The following AUTS2 variants were observed in gnomAD, a reference collection of about 807,000 sequenced individuals.
AUTS2 encodes activator of transcription and developmental regulator AUTS2.
In AUTS2, 17 loss-of-function variants were observed where a neutral mutation model predicts 112.4. The ratio of observed to expected loss-of-function variants is 0.15; its 90% CI spans 0.10 to 0.23. The LOEUF (loss-of-function observed/expected upper bound fraction) is 0.23. Among genes scored for constraint, AUTS2 ranks in the 10% least tolerant of loss-of-function variants. The probability of loss-of-function intolerance (pLI) is 1.00; values close to 1 mark genes in which losing one functional copy is unlikely to be tolerated. For synonymous variants in AUTS2, 751 were observed against 702.7 expected, an observed-to-expected ratio of 1.07 and a Z score of -1.09; for missense variants, 1,510 against 1,701.6, an observed-to-expected ratio of 0.89 and a Z score of 1.98.
intron 4 of AUTS2, among the ~76,000 whole-genome samples, chr7:70,284,156 T>C (rs1292962668): frequency 1.3e-5 from 2 of 152,182 alleles, no homozygotes; most frequent in Non-Finnish European, 2.9e-5. Context: ...TCACAATAAA[T>C]TATGGCGATT....
chr7:70,541,255 G>C (rs1800541262), intron 5 of AUTS2, among the ~76,000 whole-genome samples: 1 of 152,090 alleles, frequency 6.6e-6, no homozygotes, highest in South Asian at 2.1e-4. Context: ...TGTTCTGTTT[G>C]TTCTGAGCTC....
intron 2 of AUTS2, among the ~76,000 whole-genome samples, chr7:69,906,049 A>C (rs1215028544): frequency 6.6e-6 from 1 of 152,214 alleles, no homozygotes; most frequent in Admixed American, 6.5e-5. Context: ...AAGAAAGATA[A>C]AGTGACAGGA....
At chr7:70,122,146 G>A (rs983535299) in intron 3 of AUTS2, among the ~76,000 whole-genome samples, 2 of 152,156 alleles carry the variant, frequency 1.3e-5, no homozygotes, top group Admixed American at 6.5e-5. Flanking sequence ...AATTCATAGA[G>A]ACATAAAGTA....
intron 1 of AUTS2, among the ~76,000 whole-genome samples, chr7:69,848,119 C>T (rs910921265): frequency 6.6e-6 from 1 of 152,180 alleles, no homozygotes; most frequent in Non-Finnish European, 1.5e-5. Flanking sequence ...TGCTGTAAGC[C>T]ACAGGTGGCC....
intron 4 of AUTS2, among the ~76,000 whole-genome samples, chr7:70,227,450 C>A (rs1438385149): frequency 6.6e-6 from 1 of 151,988 alleles, no homozygotes; most frequent in African/African-American, 2.4e-5. Flanking sequence ...AGATTTGTAA[C>A]CATCACCACA....
chr7:70,502,927 G>A (rs1798822869), intron 5 of AUTS2, among the ~76,000 whole-genome samples: 1 of 150,930 alleles, frequency 6.6e-6, no homozygotes, highest in Non-Finnish European at 1.5e-5. Flanking sequence ...GGGCATTTAG[G>A]GTAGACTCCT....
At chr7:70,647,109 G>A (rs1393922870) in intron 5 of AUTS2, among the ~76,000 whole-genome samples, 1 of 152,186 alleles carries the variant, frequency 6.6e-6, no homozygotes. Flanking sequence ...CAGCTGATTG[G>A]ATCCGCTCAC....
intron 5 of AUTS2, among the ~76,000 whole-genome samples, chr7:70,469,393 A>G (rs1797291040): frequency 6.6e-6 from 1 of 152,156 alleles, no homozygotes; most frequent in African/African-American, 2.4e-5. Flanking sequence ...GATACCCACA[A>G]ATCTGGGGGA....
intron 5 of AUTS2, among the ~76,000 whole-genome samples, chr7:70,479,012 A>G (rs1797688681): frequency 2.0e-5 from 3 of 152,012 alleles, no homozygotes; most frequent in Non-Finnish European, 2.9e-5. Context: ...AAATGAAGAG[A>G]AAATTTAATT....
intron 4 of AUTS2, among the ~76,000 whole-genome samples, chr7:70,348,694 C>A (rs1791612780): frequency 6.6e-6 from 1 of 152,178 alleles, no homozygotes; most frequent in Admixed American, 6.5e-5. Flanking sequence ...CCTGTAGTCC[C>A]AGCTGCTAGG....
At chr7:70,440,650 C>T (rs1008026546) in intron 5 of AUTS2, among the ~76,000 whole-genome samples, 4 of 152,178 alleles carry the variant, frequency 2.6e-5, no homozygotes, top group African/African-American at 9.7e-5. Context: ...TGGACACAGG[C>T]TGAATGGAAG....
At chr7:70,322,942 C>G (rs954594144) in intron 4 of AUTS2, among the ~76,000 whole-genome samples, 1 of 152,210 alleles carries the variant, frequency 6.6e-6, no homozygotes, top group African/African-American at 2.4e-5. Context: ...ACATGTGTTG[C>G]CTTCCTCTGA....
intron 5 of AUTS2, among the ~76,000 whole-genome samples, chr7:70,578,909 T>A (rs554001156): frequency 7.0e-6 from 1 of 143,414 alleles, no homozygotes; most frequent in African/African-American, 2.7e-5. Context: ...CTTTCCTTTC[T>A]TTCTTTTTTT....
chr7:70,314,590 G>C (rs993732033), intron 4 of AUTS2, among the ~76,000 whole-genome samples: 6 of 152,120 alleles, frequency 3.9e-5, no homozygotes, highest in African/African-American at 1.4e-4. Flanking sequence ...CCTCAAATTT[G>C]TTGCTTTAGA....
At position 70,789,936 on chromosome 7, in the gene AUTS2, A is replaced by C. The variant is rs936382256; in HGVS notation, c.2720A>C (p.Asp907Ala). Residue 907 changes from aspartate (D) to alanine (A), a missense_variant, in exon 19 of 19, where the codon GAC becomes GCC. Asp to Ala is a moderately radical substitution (Grantham distance 126). Transcript: ENST00000342771. ...HSESRKDLAADEHKAKEGHLP... is the reference protein window; with the variant it reads ...HSESRKDLAAAEHKAKEGHLP... ...GAATCCCGCAAGGACCTGGCCGCCG[A>C]CGAGCACAAGGCGAAAGAGGGCCAC... The C allele has an allele frequency of 6.2e-7, 1 of 1,613,970 alleles. No homozygotes were observed. Among genetic ancestry groups the C allele is most frequent in the Admixed American group, 1.7e-5 (1 of 60,022 alleles).
In AUTS2 at chr7:69,969,612, A is replaced by G. The variant is rs142541728; in HGVS notation, c.522+70114A>G. 9.8e-3 allele frequency among the ~76,000 whole-genome samples: 1,498 copies of G among 152,290 alleles called. 13 individuals carry two copies. The highest frequency in any genetic ancestry group is 0.027 in the Middle Eastern group (8 of 294). ...CAAGATGGATTGAGTTTTAACCTAG[A>G]GAGATAATAAGTCTTAGTGTAAACA... On this transcript the variant is annotated intron_variant, in intron 2 of 18. Coordinates refer to ENST00000342771, the MANE Select transcript of AUTS2 (RefSeq NM_015570.4).
chr7:69,916,898 A>G (rs1562967133), intron 2 of AUTS2, among the ~76,000 whole-genome samples: 1 of 152,124 alleles, frequency 6.6e-6, no homozygotes, highest in African/African-American at 2.4e-5. Context: ...TTCCTCCATT[A>G]TTGTGTTCTT....
rs189431748 is a variant in AUTS2 at position 70,166,509 on chromosome 7, T to A, written c.660+31938T>A. On this transcript the variant is annotated intron_variant, in intron 4 of 18. Coordinates refer to ENST00000342771, the MANE Select transcript of AUTS2 (RefSeq NM_015570.4). The stretch of plus-strand genomic sequence containing the variant: ...AGGTTTAAATGGAAATATACTGTTG[T>A]AAGGTTTCTGTACAATACATGAAAT... 9.5e-4 allele frequency among the ~76,000 whole-genome samples: 145 copies of A among 152,300 alleles called. 1 individual carries two copies. Among genetic ancestry groups the A allele is most frequent in the Non-Finnish European group, 1.2e-4 (8 of 68,022 alleles).
intron 3 of AUTS2, among the ~76,000 whole-genome samples, chr7:70,127,625 T>G (rs570382962): frequency 1.3e-5 from 2 of 152,180 alleles, no homozygotes; most frequent in African/African-American, 4.8e-5. Flanking sequence ...TTGTTAGTTA[T>G]GAGAAGACAG....
Sources: gnomAD v4.1 joint callset for allele counts (sites outside exome capture counted in the v4.1 genomes callset) on GRCh38, gnomAD v4.1.1 for gene constraint, MANE v1.5 for transcripts, NCBI Gene and HGNC (gene_info 2026-07-23, HGNC 2026-07-21) for gene names.